Variants in FLT1 observed in about 807,000 individuals in gnomAD.
FLT1 encodes the protein fms related receptor tyrosine kinase 1.
In FLT1, 49 loss-of-function variants were observed where a neutral mutation model predicts 156.3. That is an observed-to-expected ratio of 0.31 (90% CI 0.25 to 0.40). The LOEUF (loss-of-function observed/expected upper bound fraction) is 0.40. FLT1 is among the 10% of genes least tolerant of loss of function. The probability of loss-of-function intolerance (pLI) is 1.00; values close to 1 mark genes in which losing one functional copy is unlikely to be tolerated. For synonymous variants in FLT1, 594 were observed against 583.8 expected (o/e 1.02, Z -0.25); for missense variants, 1,322 against 1,637.2 (o/e 0.81, Z 3.32).
Position 28,495,011 on chromosome 13 carries a change from G to T in FLT1, c.-168C>A. 2.0e-6 allele frequency: 1 copy of T among 512,098 alleles called. No homozygotes were observed. The highest frequency in any genetic ancestry group is 3.3e-5 in the South Asian group (1 of 30,750). 31.7% of individuals were successfully genotyped at this position (512,098 alleles called of 1,614,324 possible). On this transcript the variant is annotated 5_prime_UTR_variant, in exon 1 of 30. In the 5' UTR this introduces an upstream ATG that the reference lacks. Coordinates refer to ENST00000282397, the MANE Select transcript of FLT1 (RefSeq NM_002019.4). The surrounding 1 kb of genome is among the most constrained non-coding windows in gnomAD (Gnocchi z 4.1). ...CTTCCCCGGGTAATCCTCGCCGCCAGGCGCCCGCTGGCCGCTGCACCCGAG... is the reference window on the plus strand; with the variant it reads ...CTTCCCCGGGTAATCCTCGCCGCCATGCGCCCGCTGGCCGCTGCACCCGAG...
rs1326029950 is a variant in FLT1 at position 28,439,898 on chromosome 13, A to C, written c.389-1553T>G. ...GAGATAATACATTTCTGTAGTTTTAAGCCAAAAAAGAAAAAAAAGTGGGCC... is the reference window on the plus strand; with the variant it reads ...GAGATAATACATTTCTGTAGTTTTACGCCAAAAAAGAAAAAAAAGTGGGCC... On this transcript the variant is annotated intron_variant, in intron 3 of 29. Transcript: ENST00000282397. The surrounding 1 kb of genome is among the most constrained non-coding windows in gnomAD (Gnocchi z 4.1). Among the ~76,000 whole-genome samples the C allele has an allele frequency of 2.6e-5, 4 of 152,186 alleles. No homozygotes were observed. Among genetic ancestry groups the C allele is most frequent in the Non-Finnish European group, 4.4e-5 (3 of 68,030 alleles).
chr13:28,317,698 C>T lies in FLT1; in HGVS notation c.3287-101G>A, dbSNP rs193145623. ...TGTTTCTTTCCTCCCTTTAAAGCTA[C>T]GTTTTAGTAATAAATTCCCAGGGAT... On this transcript the variant is annotated intron_variant, in intron 24 of 29. Transcript: ENST00000282397. 38 of 767,938 alleles carry T rather than the reference C, an allele frequency of 4.9e-5. No individual in the cohort carries two copies. The Middle Eastern group carries it at 6.8e-4, about 14-fold the overall frequency. 47.6% of individuals were successfully genotyped at this position (767,938 alleles called of 1,614,324 possible). A position where few individuals can be genotyped will look rare whatever the true frequency, so the allele number is the denominator to read the frequency against.
chr13:28,379,745 T>G (rs1460939980), intron 14 of FLT1, among the ~76,000 whole-genome samples: 1 of 152,202 alleles, frequency 6.6e-6, no homozygotes, highest in Admixed American at 6.5e-5. Context: ...TTGATGCCCT[T>G]TGGCTCAAGA....
intron 12 of FLT1, among the ~76,000 whole-genome samples, chr13:28,392,213 G>A (rs781119824): frequency 2.0e-5 from 3 of 152,208 alleles, no homozygotes; most frequent in Non-Finnish European, 2.9e-5. Context: ...AGTGGCTTAC[G>A]AAGCCGTCAG....
chr13:28,412,141 C>T (rs553423673), intron 10 of FLT1, among the ~76,000 whole-genome samples: 57 of 152,152 alleles, frequency 3.7e-4, no homozygotes, highest in Admixed American at 3.3e-3. Flanking sequence ...AGGGCACAAC[C>T]GGGGCTGGCC....
intron 15 of FLT1, among the ~76,000 whole-genome samples, chr13:28,347,251 G>A (rs941667500): frequency 2.6e-5 from 4 of 151,490 alleles, no homozygotes; most frequent in African/African-American, 4.9e-5. Context: ...GGCCAAGTGC[G>A]ATGGCACACG....
At position 28,335,129 on chromosome 13, in the gene FLT1, C is replaced by G. The variant is rs545514706; in HGVS notation, c.2489-1000G>C. On this transcript the variant is annotated intron_variant, in intron 17 of 29. Coordinates refer to ENST00000282397, the MANE Select transcript of FLT1 (RefSeq NM_002019.4). ...GCTGCCTTTTATATCAGGGAACCTC[C>G]TTTTGCACATCAGGAAACAGCTCAA... 1.2e-4 allele frequency among the ~76,000 whole-genome samples: 19 copies of G among 152,234 alleles called. No individual in the cohort carries two copies. The East Asian group carries it at 3.7e-3, about 29-fold the overall frequency.
At position 28,354,302 on chromosome 13, in the gene FLT1, C is replaced by T. The variant is rs892451188; in HGVS notation, c.2248+3252G>A. Among the ~76,000 whole-genome samples, 6 of 152,276 alleles carry T rather than the reference C, an allele frequency of 3.9e-5. 1 individual carries two copies. In the South Asian group the frequency reaches 1.2e-3, roughly 32 times the overall value. On this transcript the variant is annotated intron_variant, in intron 15 of 29. Transcript: ENST00000282397. ...CACACATGCAGGCCTTTCTAAGGTCCACATACTATTAACATTCAAAATTTC... is the reference window on the plus strand; with the variant it reads ...CACACATGCAGGCCTTTCTAAGGTCTACATACTATTAACATTCAAAATTTC...
intron 11 of FLT1, among the ~76,000 whole-genome samples, chr13:28,405,034 A>G (rs9554327): frequency 0.43 from 64,344 of 149,070 alleles, 14,986 homozygotes; most frequent in Middle Eastern, 0.58. Flanking sequence ...AAAAAAAAAA[A>G]AAGAAAAGAA....
At chr13:28,350,473 C>T (rs1232576451) in intron 15 of FLT1, among the ~76,000 whole-genome samples, 4 of 152,018 alleles carry the variant, frequency 2.6e-5, no homozygotes, top group African/African-American at 4.8e-5. Flanking sequence ...TCTGCAGCTG[C>T]GCAGTGTCCT....
At chr13:28,408,105 A>C (rs573447813) in intron 10 of FLT1, among the ~76,000 whole-genome samples, 1 of 152,336 alleles carries the variant, frequency 6.6e-6, no homozygotes, top group Non-Finnish European at 1.5e-5. Context: ...AAGCTTTTAG[A>C]TTGTATTCCT....
chr13:28,448,195 C>T (rs1371261128), intron 3 of FLT1, among the ~76,000 whole-genome samples: 2 of 152,210 alleles, frequency 1.3e-5, no homozygotes, highest in Non-Finnish European at 2.9e-5. Flanking sequence ...GGAAAGCAGT[C>T]TGGCAGTTCC....
intron 19 of FLT1, among the ~76,000 whole-genome samples, chr13:28,329,199 G>A (rs971204537): frequency 3.3e-5 from 5 of 152,194 alleles, no homozygotes. Context: ...TCTGCATGGT[G>A]GATCTGGAGG....
At position 28,427,831 on chromosome 13, in the gene FLT1, A is replaced by C; in HGVS notation, c.1197T>G (p.Asp399Glu). 1 of 1,613,940 alleles carries C rather than the reference A, an allele frequency of 6.2e-7. No individual in the cohort carries two copies. Among genetic ancestry groups the C allele is most frequent in the Non-Finnish European group, 8.5e-7 (1 of 1,179,792 alleles). Residue 399 changes from aspartate to glutamate, a missense_variant, in exon 9 of 30, where the codon GAT becomes GAG. Asp to Glu is a conservative substitution (Grantham distance 45, BLOSUM62 2). Transcript: ENST00000282397. ...TCAGCAAGATTGTATAATTCCCTGC[A>C]TCCTCTTCAGTTACGTCCTTGATAA... Reference protein sequence around the residue: ...SLIIKDVTEEDAGNYTILLSI... With the variant: ...SLIIKDVTEEEAGNYTILLSI...
chr13:28,389,290 G>C (rs1010911619), intron 13 of FLT1: 3 of 1,187,408 alleles, frequency 2.5e-6, no homozygotes, highest in Non-Finnish European at 3.1e-6. Flanking sequence ...TACTCATTCT[G>C]AGCTGGAAAA....
rs1871257296 is a variant in FLT1, at chr13:28,317,567, T to C, written c.3317A>G (p.Asp1106Gly). ...GGSPYPGVQMDEDFCSRLREG... is the reference protein window; with the variant it reads ...GGSPYPGVQMGEDFCSRLREG... ...CCTCAGGCGACTGCAAAAGTCCTCA[T>C]CCATTTGTACTCCTGGGTATGGAGA... Residue 1106 changes from aspartate to glycine, a missense_variant, in exon 25 of 30, where the codon GAT (aspartate) becomes GGT (glycine). Around this residue, in one of 3 missense-constraint regions of FLT1, gnomAD observed 329 missense variants for 366.2 expected, o/e 0.90. Transcript: ENST00000282397. 6.2e-7 allele frequency: 1 copy of C among 1,613,854 alleles called. No individual in the cohort carries two copies. Among genetic ancestry groups the C allele is most frequent in the African/African-American group, 1.3e-5 (1 of 74,924 alleles).
chr13:28,488,016 C>T (rs749641439), intron 1 of FLT1, among the ~76,000 whole-genome samples: 2 of 151,368 alleles, frequency 1.3e-5, no homozygotes, highest in African/African-American at 4.9e-5. Context: ...ATGAGACCAA[C>T]GTGGGAGCCA....
intron 3 of FLT1, among the ~76,000 whole-genome samples, chr13:28,457,469 G>A (rs1879330487): frequency 6.6e-6 from 1 of 152,160 alleles, no homozygotes; most frequent in East Asian, 1.9e-4. Flanking sequence ...AAGGAAGGAA[G>A]GGAGGGGTGT....
intron 13 of FLT1, chr13:28,389,525 G>C: frequency 2.8e-6 from 4 of 1,422,644 alleles, no homozygotes; most frequent in Non-Finnish European, 3.7e-6. Context: ...TCGGCCCCCC[G>C]GAGCAGCCCC....
Sources: allele counts gnomAD v4.1 joint callset (sites outside exome capture counted in the v4.1 genomes callset), GRCh38; gene constraint gnomAD v4.1.1; regional missense constraint gnomAD v4.1.1; non-coding constraint Gnocchi (gnomAD v3.1); transcripts MANE v1.5; gene names NCBI Gene and HGNC (gene_info 2026-07-23, HGNC 2026-07-21).